Variants in PRKACA observed in about 807,000 individuals in gnomAD.
The protein encoded by PRKACA is cAMP-dependent protein kinase catalytic subunit alpha.
Under a neutral mutation model 45.8 loss-of-function variants are expected in PRKACA, and 9 were observed. That is an observed-to-expected ratio of 0.20 (90% CI 0.12 to 0.34). PRKACA has a LOEUF of 0.34. Among genes scored for constraint, PRKACA ranks in the 10% least tolerant of loss-of-function variants. PRKACA has a pLI of 1.00. For missense variants in PRKACA, 238 were observed against 458.6 expected (o/e 0.52, Z 4.39); for synonymous variants, 160 against 178.6 (o/e 0.90, Z 0.83).
intron 4 of PRKACA, among the ~76,000 whole-genome samples, chr19:14,102,166 C>CA (rs1463751967): frequency 2.0e-5 from 3 of 149,898 alleles, no homozygotes; most frequent in South Asian, 2.1e-4. Flanking sequence ...TCTGTCTCAA[C>CA]AAAAAAAAAT....
At chr19:14,103,133 G>A (rs1977495076) in intron 3 of PRKACA, among the ~76,000 whole-genome samples, 1 of 152,206 alleles carries the variant, frequency 6.6e-6, no homozygotes, top group Admixed American at 6.5e-5. Context: ...CCAGGGCAAA[G>A]AATACATGGG....
rs989574034 is a variant in PRKACA at position 14,114,940 on chromosome 19, G to T, written c.46+2562C>A. Among the ~76,000 whole-genome samples, 27 of 152,190 alleles carry T rather than the reference G, an allele frequency of 1.8e-4. 1 individual carries two copies. The highest frequency in any genetic ancestry group is 6.5e-4 in the African/African-American group (27 of 41,450). ...CATTTTCCTGACCCCAGTCGGGCCG[G>T]CGTCTGGCAGATGAAATCCAGGTGC... On this transcript the variant is annotated intron_variant, in intron 1 of 9. Transcript: ENST00000308677.
intron 1 of PRKACA, among the ~76,000 whole-genome samples, chr19:14,108,948 G>A (rs1217389530): frequency 7.4e-5 from 11 of 148,122 alleles, no homozygotes; most frequent in African/African-American, 1.7e-4. Context: ...GGCTGGTCTC[G>A]AACTCCTGAC....
rs759605652 is a variant in PRKACA at position 14,097,397 on chromosome 19, C to T, written c.729G>A (p.Gln243=). The T allele has an allele frequency of 1.2e-6, 2 of 1,614,118 alleles. No homozygotes were observed. Among genetic ancestry groups the T allele is most frequent in the Admixed American group, 3.3e-5 (2 of 60,024 alleles). Residue 243 remains glutamine, a synonymous_variant, in exon 8 of 10, where the codon CAG becomes CAA. Coordinates refer to ENST00000308677, the MANE Select transcript of PRKACA (RefSeq NM_002730.4). This position sits in a 1 kb window ranked among gnomAD's most constrained non-coding sequence, Gnocchi z 5.4. ...AAGYPPFFAD[Q]PIQIYEKIVS... is the part of the protein sequence containing the mutation. The stretch of plus-strand genomic sequence containing the variant: ...CGATCTTCTCATAGATCTGGATGGG[C>T]TGGTCTGCGAAGAAGGGCGGGTAGC...
intron 8 of PRKACA, among the ~76,000 whole-genome samples, chr19:14,094,184 TGA>T (rs553606217): frequency 1.2e-5 from 1 of 84,092 alleles, no homozygotes; most frequent in Admixed American, 1.1e-4. Context: ...TTTCTTTTTT[TGA>T]AAAAAAAAAA....
rs535704731 is a variant in PRKACA at position 14,092,655 on chromosome 19, A to T, written c.*457T>A. ...TCCCAGGCAGGATTACTCCGAAAGGAAGGTTGGCGCTTCGTTCATTTGCCC... is the reference window on the plus strand; with the variant it reads ...TCCCAGGCAGGATTACTCCGAAAGGTAGGTTGGCGCTTCGTTCATTTGCCC... On this transcript the variant is annotated 3_prime_UTR_variant, in exon 10 of 10. Coordinates refer to ENST00000308677, the MANE Select transcript of PRKACA (RefSeq NM_002730.4). 2.5e-6 allele frequency: 1 copy of T among 394,674 alleles called. No individual in the cohort carries two copies. The highest frequency in any genetic ancestry group is 2.1e-5 in the African/African-American group (1 of 48,484). 24.4% of individuals were successfully genotyped at this position (394,674 alleles called of 1,614,324 possible). A position where few individuals can be genotyped will look rare whatever the true frequency, so the allele number is the denominator to read the frequency against.
rs1977076309 is a variant in PRKACA at position 14,091,824 on chromosome 19, C to T, written c.*1288G>A. 6.6e-6 allele frequency: 1 copy of T among 152,510 alleles called. No homozygotes were observed. Among genetic ancestry groups the T allele is most frequent in the Admixed American group, 6.5e-5 (1 of 15,288 alleles). 9.4% of individuals were successfully genotyped at this position (152,510 alleles called of 1,614,324 possible). ...ACCCACCCGGGGCCCCACCCCAGGC[C>T]TGAGAACTCCTCCTGGGATGGGGAG... On this transcript the variant is annotated 3_prime_UTR_variant, in exon 10 of 10. Transcript: ENST00000308677.
At chr19:14,109,523 CAGG>C (rs1977709629) in intron 1 of PRKACA, among the ~76,000 whole-genome samples, 1 of 151,574 alleles carries the variant, frequency 6.6e-6, no homozygotes, top group African/African-American at 2.4e-5. Flanking sequence ...GAGGCTGAGG[CAGG>C]AGAATTGCTT....
intron 1 of PRKACA, among the ~76,000 whole-genome samples, chr19:14,110,350 G>T (rs1215142261): frequency 6.6e-6 from 1 of 151,760 alleles, no homozygotes; most frequent in Non-Finnish European, 1.5e-5. Context: ...GGCCGAGTTG[G>T]GGGGATTGCT....
chr19:14,112,578 AG>A (rs1386433139), intron 1 of PRKACA: 1 of 152,340 alleles, frequency 6.6e-6, no homozygotes, highest in Non-Finnish European at 1.5e-5. Context: ...TCAGGGGACC[AG>A]GGAGGAGGAG....
At position 14,093,041 on chromosome 19, in the gene PRKACA, A is replaced by ATGGCGG; in HGVS notation, c.*70_*71insCCGCCA. 2.0e-6 allele frequency: 1 copy of ATGGCGG among 500,030 alleles called. No individual in the cohort carries two copies. The highest frequency in any genetic ancestry group is 3.6e-6 in the Non-Finnish European group (1 of 278,314). 31.0% of individuals were successfully genotyped at this position (500,030 alleles called of 1,614,324 possible). On this transcript the variant is annotated 3_prime_UTR_variant, in exon 10 of 10. Transcript: ENST00000308677. ...CTGGGGCCCTCTGGCTGTTCAATCC[A>ATGGCGG]ACCCTCCCACCCCCCCGACCAAAAA...
chr19:14,097,724 G>A lies in PRKACA; in HGVS notation c.546+40C>T, dbSNP rs766606250. On this transcript the variant is annotated intron_variant, in intron 6 of 9. Coordinates refer to ENST00000308677, the MANE Select transcript of PRKACA (RefSeq NM_002730.4). This position sits in a 1 kb window ranked among gnomAD's most constrained non-coding sequence, Gnocchi z 5.4. ...GGCAGGGAGGAAGGGTCCAGGCCAC[G>A]GCTTCCCCAGGGCTGCCCCTCGCCC... 1.8e-5 allele frequency: 29 copies of A among 1,613,714 alleles called. No homozygotes were observed. Among genetic ancestry groups the A allele is most frequent in the South Asian group, 4.4e-5 (4 of 91,076 alleles).
Position 14,100,813 on chromosome 19 carries a change from G to T in PRKACA, c.419+13C>A. The T allele has an allele frequency of 6.2e-7, 1 of 1,613,580 alleles. No individual in the cohort carries two copies. Among genetic ancestry groups the T allele is most frequent in the Non-Finnish European group, 8.5e-7 (1 of 1,179,496 alleles). ...CCCTGACAGCCTGATGTGATGGGGG[G>T]TGGCCCGCTTACCTGAACCTTCCGA... On this transcript the variant is annotated intron_variant, in intron 5 of 9. Coordinates refer to ENST00000308677, the MANE Select transcript of PRKACA (RefSeq NM_002730.4).
chr19:14,108,968 T>A (rs1405893413), intron 1 of PRKACA, among the ~76,000 whole-genome samples: 1 of 149,772 alleles, frequency 6.7e-6, no homozygotes, highest in Non-Finnish European at 1.5e-5. Flanking sequence ...CCTCAGGTGA[T>A]CTGCCCACCT....
At chr19:14,096,380 G>T (rs1234572025) in intron 8 of PRKACA, 1 of 150,562 alleles carries the variant, frequency 6.6e-6, no homozygotes, top group African/African-American at 2.5e-5. Context: ...TAGAGATGGG[G>T]TCTGGCTATG....
In PRKACA at chr19:14,106,086, C is replaced by T. The variant is rs894388500; in HGVS notation, c.237+674G>A. On this transcript the variant is annotated intron_variant, in intron 3 of 9. Transcript: ENST00000308677. ...AGTGGGTGAGCCTGGCATGGTGGCT[C>T]ATGCCTGTAATCCCTGTGCTTTGGG... 2.2e-4 allele frequency among the ~76,000 whole-genome samples: 33 copies of T among 152,016 alleles called. 1 individual carries two copies.
At chr19:14,107,027 GA>G in intron 2 of PRKACA, 139 bp from the exon 3 acceptor site, 1 of 1,125,162 alleles carries the variant, frequency 8.9e-7, no homozygotes, top group Non-Finnish European at 1.3e-6. Context: ...ACAGGGGGCG[GA>G]AAATCAAGAT....
chr19:14,104,603 G>A (rs1419835187), intron 3 of PRKACA, among the ~76,000 whole-genome samples: 1 of 149,008 alleles, frequency 6.7e-6, no homozygotes, highest in African/African-American at 2.5e-5. Flanking sequence ...GGCTGAGGCA[G>A]AAGAATGGCG....
At chr19:14,096,675 C>T (rs1977268670) in intron 8 of PRKACA, 1 of 157,648 alleles carries the variant, frequency 6.3e-6, no homozygotes, top group Non-Finnish European at 1.4e-5. Flanking sequence ...CAACCTCTCT[C>T]CGGCCATCAG....
Sources: gnomAD v4.1 joint callset for allele counts (sites outside exome capture counted in the v4.1 genomes callset) on GRCh38, gnomAD v4.1.1 for gene constraint, Gnocchi (gnomAD v3.1) non-coding constraint, MANE v1.5 for transcripts, NCBI Gene and HGNC (gene_info 2026-07-23, HGNC 2026-07-21) for gene names.